The following NKAIN3 variants were observed in gnomAD, a reference collection of about 807,000 sequenced individuals.
NKAIN3 encodes sodium/potassium-transporting ATPase subunit beta-1-interacting protein 3.
Under a neutral mutation model 30.2 loss-of-function variants are expected in NKAIN3, and 25 were observed. That is an observed-to-expected ratio of 0.83 (90% CI 0.60 to 1.16). The LOEUF is 1.16. NKAIN3 is among the 50% of genes most tolerant of loss of function. NKAIN3 has a pLI of 0.00. For missense variants in NKAIN3, 225 were observed against 254.1 expected, an observed-to-expected ratio of 0.89 and a Z score of 0.78; for synonymous variants, 91 against 89.6, an observed-to-expected ratio of 1.02 and a Z score of -0.09.
chr8:62,549,350 G>T (rs1005033501), intron 1 of NKAIN3, among the ~76,000 whole-genome samples: 1 of 152,024 alleles, frequency 6.6e-6, no homozygotes, highest in Non-Finnish European at 1.5e-5. Context: ...TCGGAGGGGG[G>T]CCTGTTCCAC....
chr8:62,672,011 G>A (rs867615090), intron 3 of NKAIN3, among the ~76,000 whole-genome samples: 52 of 152,302 alleles, frequency 3.4e-4, no homozygotes, highest in African/African-American at 1.3e-3. Context: ...ATTGACTTGT[G>A]TAGGTCATGT....
intron 1 of NKAIN3, among the ~76,000 whole-genome samples, chr8:62,519,806 G>A (rs975212879): frequency 4.6e-5 from 7 of 152,062 alleles, no homozygotes; most frequent in Admixed American, 1.3e-4. Context: ...GATTGCCGGG[G>A]CATCTTAGCT....
intron 3 of NKAIN3, among the ~76,000 whole-genome samples, chr8:62,737,798 C>A (rs1463528133): frequency 1.3e-5 from 2 of 152,032 alleles, no homozygotes; most frequent in Non-Finnish European, 2.9e-5. Context: ...ATCATCAACC[C>A]CCTTCAATTA....
At chr8:62,832,306 CTT>C (rs1428562516) in intron 4 of NKAIN3, among the ~76,000 whole-genome samples, 5 of 143,960 alleles carry the variant, frequency 3.5e-5, no homozygotes, top group South Asian at 2.2e-4. Flanking sequence ...CACACACACT[CTT>C]AAGTACATAT....
intron 5 of NKAIN3, among the ~76,000 whole-genome samples, chr8:62,944,882 A>T (rs189170063): frequency 3.3e-4 from 50 of 152,332 alleles, no homozygotes; most frequent in African/African-American, 1.1e-3. Context: ...TGCTAGAATG[A>T]TAGGCTACCT....
At chr8:62,480,222 T>C (rs1806669464) in intron 1 of NKAIN3, among the ~76,000 whole-genome samples, 1 of 152,168 alleles carries the variant, frequency 6.6e-6, no homozygotes, top group Non-Finnish European at 1.5e-5. Flanking sequence ...TGACTTCTTT[T>C]AGCTGCCACA....
intron 3 of NKAIN3, among the ~76,000 whole-genome samples, chr8:62,617,995 G>A (rs1811512824): frequency 6.6e-6 from 1 of 152,186 alleles, no homozygotes; most frequent in Admixed American, 6.5e-5. Context: ...ATCAAAGACT[G>A]TAAACCAACA....
chr8:62,906,776 A>C (rs531193893), intron 4 of NKAIN3, among the ~76,000 whole-genome samples: 1 of 152,332 alleles, frequency 6.6e-6, no homozygotes, highest in Admixed American at 6.5e-5. Flanking sequence ...CTCCCCAGCC[A>C]TGTGCAACTG....
chr8:62,856,357 T>G (rs1820059383), intron 4 of NKAIN3: 1 of 876,888 alleles, frequency 1.1e-6, no homozygotes, highest in South Asian at 1.3e-5. Flanking sequence ...TGCTTCCTGG[T>G]CTCCTTGGAG....
At chr8:62,433,333 T>C (rs1231085092) in intron 1 of NKAIN3, among the ~76,000 whole-genome samples, 1 of 152,090 alleles carries the variant, frequency 6.6e-6, no homozygotes, top group Non-Finnish European at 1.5e-5. Context: ...CTCACAGAAT[T>C]TGGTTAAGAA....
chr8:62,414,080 G>T (rs536390935), intron 1 of NKAIN3, among the ~76,000 whole-genome samples: 1 of 152,050 alleles, frequency 6.6e-6, no homozygotes, highest in Non-Finnish European at 1.5e-5. Flanking sequence ...GTGTGCATAC[G>T]TATGTCTTTG....
intron 1 of NKAIN3, among the ~76,000 whole-genome samples, chr8:62,506,386 C>G (rs1807639587): frequency 6.6e-6 from 1 of 152,016 alleles, no homozygotes; most frequent in Non-Finnish European, 1.5e-5. Context: ...ATTACATTTC[C>G]TTAGAATGCA....
intron 3 of NKAIN3, among the ~76,000 whole-genome samples, chr8:62,695,280 G>A (rs995115470): frequency 3.9e-5 from 6 of 152,070 alleles, no homozygotes; most frequent in Non-Finnish European, 5.9e-5. Flanking sequence ...ACCTAACACA[G>A]TACATGACAT....
intron 1 of NKAIN3, among the ~76,000 whole-genome samples, chr8:62,252,006 C>A (rs1004861845): frequency 2.6e-4 from 39 of 152,172 alleles, no homozygotes; most frequent in African/African-American, 9.2e-4. Flanking sequence ...TATTTAACAA[C>A]TGGCTCACAA....
chr8:62,363,148 G>A (rs1244134002), intron 1 of NKAIN3, among the ~76,000 whole-genome samples: 1 of 152,212 alleles, frequency 6.6e-6, no homozygotes, highest in African/African-American at 2.4e-5. Context: ...AGCTCTAAGA[G>A]AAACAGTTAT....
At chr8:62,751,677 A>T (rs555087532) in intron 4 of NKAIN3, among the ~76,000 whole-genome samples, 13 of 152,204 alleles carry the variant, frequency 8.5e-5, no homozygotes, top group Non-Finnish European at 1.6e-4. Flanking sequence ...TCCAAATATG[A>T]AAATAACTTC....
intron 1 of NKAIN3, among the ~76,000 whole-genome samples, chr8:62,569,621 C>T (rs1809865493): frequency 6.6e-6 from 1 of 151,966 alleles, no homozygotes; most frequent in South Asian, 2.1e-4. Flanking sequence ...ACTAAAAATA[C>T]AAAAATTAGC....
At chr8:62,408,372 C>T (rs1398843351) in intron 1 of NKAIN3, among the ~76,000 whole-genome samples, 1 of 152,064 alleles carries the variant, frequency 6.6e-6, no homozygotes, top group Non-Finnish European at 1.5e-5. Context: ...TGGAGTTGTG[C>T]AGTATACAGC....
At chr8:62,292,322 T>C (rs1320610077) in intron 1 of NKAIN3, among the ~76,000 whole-genome samples, 1 of 152,204 alleles carries the variant, frequency 6.6e-6, no homozygotes, top group Non-Finnish European at 1.5e-5. Context: ...TGTGGTTTCT[T>C]CCTAGCCTCG....
Sources: allele counts gnomAD v4.1 joint callset (sites outside exome capture counted in the v4.1 genomes callset), GRCh38; gene constraint gnomAD v4.1.1; transcripts MANE v1.5; gene names NCBI Gene and HGNC (gene_info 2026-07-23, HGNC 2026-07-21).